Variants in RBM6 observed in about 807,000 individuals in gnomAD.
The protein encoded by RBM6 is RNA binding motif protein 6.
RBM6 carries 23 observed loss-of-function variants against 140.4 expected under a neutral mutation model. That is an observed-to-expected ratio of 0.16 (90% CI 0.12 to 0.23). The LOEUF is 0.23. Among genes scored for constraint, RBM6 ranks in the 10% least tolerant of loss-of-function variants. RBM6 has a pLI of 1.00. For missense variants in RBM6, 1,139 were observed against 1,386.7 expected (o/e 0.82, Z 2.84); for synonymous variants, 439 against 475.6 (o/e 0.92, Z 1.00).
rs972076656 is a variant in RBM6, at chr3:49,947,702, G to A, written c.-67+7477G>A. Among the ~76,000 whole-genome samples, 7 of 151,778 alleles carry A rather than the reference G, an allele frequency of 4.6e-5. No homozygotes were observed. The East Asian group carries it at 5.8e-4, about 13-fold the overall frequency. On this transcript the variant is annotated intron_variant, in intron 1 of 20. Coordinates refer to ENST00000266022, the MANE Select transcript of RBM6 (RefSeq NM_005777.3). ...TCCCCTAAGATTTTATAGTTTTAGCGCTTACGTTTGGGTCTTTGATCCAAT... is the reference window on the plus strand; with the variant it reads ...TCCCCTAAGATTTTATAGTTTTAGCACTTACGTTTGGGTCTTTGATCCAAT...
At chr3:50,045,225 C>T (rs1031077437) in intron 6 of RBM6, among the ~76,000 whole-genome samples, 1 of 152,196 alleles carries the variant, frequency 6.6e-6, no homozygotes, top group Non-Finnish European at 1.5e-5. Context: ...ATACCTGAAT[C>T]CATTAATGCC....
In RBM6 at chr3:50,062,093, C is replaced by G; in HGVS notation, c.2571C>G (p.Asp857Glu). The G allele has an allele frequency of 6.2e-7, 1 of 1,613,324 alleles. No homozygotes were observed. Among genetic ancestry groups the G allele is most frequent in the African/African-American group, 1.3e-5 (1 of 74,984 alleles). Residue 857 changes from aspartate to glutamate, a missense_variant, in exon 15 of 21, where the codon GAC becomes GAG. Physicochemically the swap from Asp to Glu is conservative, Grantham distance 45 (BLOSUM62 2). Transcript: ENST00000266022. ...MSKRDGKEKK[D>E]RGVTRFQENA... ...AAAGAGATGGCAAGGAGAAAAAAGA[C>G]AGAGGAGTGACGAGGGTAAGAGGAA...
At chr3:50,063,673 GGC>G (rs2090021154) in intron 15 of RBM6, among the ~76,000 whole-genome samples, 1 of 151,854 alleles carries the variant, frequency 6.6e-6, no homozygotes, top group Non-Finnish European at 1.5e-5. Flanking sequence ...GGCCAAGGCA[GGC>G]GGATTACTTT....
At chr3:49,955,864 G>C (rs866920943) in intron 1 of RBM6, among the ~76,000 whole-genome samples, 15 of 123,916 alleles carry the variant, frequency 1.2e-4, no homozygotes, top group African/African-American at 3.3e-4. Flanking sequence ...CTCTCTCTGT[G>C]TGTGTGTGTG....
At chr3:50,049,790 C>T (rs1450917999) in intron 7 of RBM6, among the ~76,000 whole-genome samples, 1 of 151,424 alleles carries the variant, frequency 6.6e-6, no homozygotes, top group Non-Finnish European at 1.5e-5. Flanking sequence ...AGCATTAATT[C>T]AGTGACATTA....
intron 6 of RBM6, among the ~76,000 whole-genome samples, chr3:50,039,193 TCCA>T (rs140672185): frequency 0.032 from 4,824 of 152,232 alleles, 263 homozygotes; most frequent in African/African-American, 0.11. Flanking sequence ...ATATTTTACT[TCCA>T]CCAAGAATTA....
At chr3:50,045,348 A>G (rs1040377739) in intron 6 of RBM6, among the ~76,000 whole-genome samples, 2 of 152,192 alleles carry the variant, frequency 1.3e-5, no homozygotes, top group African/African-American at 2.4e-5. Flanking sequence ...ATACAGATGT[A>G]TGCTCTAACA....
At chr3:49,942,346 G>A (rs1055689367) in intron 1 of RBM6, among the ~76,000 whole-genome samples, 8 of 151,222 alleles carry the variant, frequency 5.3e-5, no homozygotes, top group African/African-American at 1.5e-4. Context: ...AAAATGAGCC[G>A]TGCGTGGTGG....
chr3:50,053,593 C>T (rs1575821224), intron 7 of RBM6, among the ~76,000 whole-genome samples: 1 of 152,120 alleles, frequency 6.6e-6, no homozygotes, highest in East Asian at 1.9e-4. Context: ...TCCTCAACTC[C>T]ATCTGGCAGA....
intron 6 of RBM6, among the ~76,000 whole-genome samples, chr3:50,024,384 C>T (rs1418337951): frequency 6.6e-6 from 1 of 151,552 alleles, no homozygotes; most frequent in East Asian, 1.9e-4. Flanking sequence ...AAACAGAACA[C>T]TGCTTCATAT....
intron 2 of RBM6, among the ~76,000 whole-genome samples, chr3:49,964,742 A>C (rs1422140373): frequency 2.6e-5 from 4 of 152,202 alleles, no homozygotes; most frequent in Non-Finnish European, 5.9e-5. Context: ...ACTATTTTGT[A>C]AGTAAGGCTG....
chr3:50,012,647 G>A (rs1469868909), intron 6 of RBM6, among the ~76,000 whole-genome samples: 4 of 151,602 alleles, frequency 2.6e-5, no homozygotes, highest in Non-Finnish European at 5.9e-5. Flanking sequence ...GTGAGCCACC[G>A]TGCCTGGCCC....
chr3:50,048,481 A>C (rs1256384891), intron 7 of RBM6, among the ~76,000 whole-genome samples, 162 bp downstream of exon 7: 3 of 152,170 alleles, frequency 2.0e-5, no homozygotes, highest in Non-Finnish European at 4.4e-5. Flanking sequence ...GGTCATTCAT[A>C]ATTTCTCCTT....
chr3:49,947,849 G>A (rs1296982421), intron 1 of RBM6, among the ~76,000 whole-genome samples: 1 of 152,108 alleles, frequency 6.6e-6, no homozygotes, highest in African/African-American at 2.4e-5. Context: ...TTCCCCATTG[G>A]ATGGTCTTGA....
intron 8 of RBM6, among the ~76,000 whole-genome samples, chr3:50,055,932 T>C (rs1362637359): frequency 2.0e-5 from 3 of 152,214 alleles, no homozygotes; most frequent in Non-Finnish European, 4.4e-5. Context: ...AACAGTCCTG[T>C]AGTCATCCCT....
chr3:50,011,941 TC>T (rs1278692611), intron 6 of RBM6, among the ~76,000 whole-genome samples: 1 of 151,460 alleles, frequency 6.6e-6, no homozygotes, highest in Middle Eastern at 3.4e-3. Flanking sequence ...AGCCTCCACC[TC>T]CCGGGCTCAA....
rs764709206 is a variant in RBM6, at chr3:49,967,711, A to AG, written c.293dup (p.Asp99ArgfsTer6). 1 of 1,613,832 alleles carries AG rather than the reference A, an allele frequency of 6.2e-7. No individual in the cohort carries two copies. The highest frequency in any genetic ancestry group is 8.5e-7 in the Non-Finnish European group (1 of 1,179,906). On this transcript the variant is annotated frameshift_variant, in exon 3 of 21. Transcript: ENST00000266022. LOFTEE classifies it high-confidence loss of function. This position sits in a 1 kb window ranked among gnomAD's most constrained non-coding sequence, Gnocchi z 4.0. ...AGGGGAGGGACCTGGACATGATTTC[A>AG]GGGGGGGAGATTTTTCGTCTTCTGA...
intron 5 of RBM6, among the ~76,000 whole-genome samples, chr3:49,980,032 G>T (rs543220664): frequency 2.6e-5 from 4 of 151,234 alleles, no homozygotes; most frequent in Admixed American, 2.6e-4. Flanking sequence ...ACGGAGTCTC[G>T]TTTGGTCACC....
intron 2 of RBM6, among the ~76,000 whole-genome samples, chr3:49,965,669 C>CA (rs764237339): frequency 0.013 from 1,424 of 107,824 alleles, 7 homozygotes; most frequent in Non-Finnish European, 0.016. Context: ...GACTCCGTCT[C>CA]AAAAAAAAAA....
Sources: gnomAD v4.1 joint callset for allele counts (sites outside exome capture counted in the v4.1 genomes callset) on GRCh38, gnomAD v4.1.1 for gene constraint, Gnocchi (gnomAD v3.1) non-coding constraint, MANE v1.5 for transcripts, NCBI Gene and HGNC (gene_info 2026-07-23, HGNC 2026-07-21) for gene names.